The following CDC14B variants were observed in gnomAD, a reference collection of about 807,000 sequenced individuals.
CDC14B encodes dual specificity protein phosphatase CDC14B.
Under a neutral mutation model 64.2 loss-of-function variants are expected in CDC14B, and 22 were observed. That is an observed-to-expected ratio of 0.34 (90% CI 0.24 to 0.49). The LOEUF is 0.49. CDC14B is among the 20% of genes least tolerant of loss of function. The pLI is 0.99. For missense variants in CDC14B, 498 were observed against 629.9 expected, an observed-to-expected ratio of 0.79 and a Z score of 2.24; for synonymous variants, 191 against 215.8, an observed-to-expected ratio of 0.89 and a Z score of 1.01.
chr9:96,594,337 A>G (rs1327527368), intron 1 of CDC14B, among the ~76,000 whole-genome samples: 2 of 152,228 alleles, frequency 1.3e-5, no homozygotes, highest in Admixed American at 6.5e-5. Context: ...TGCACAGAAT[A>G]GAGAACCCTA....
chr9:96,555,069 G>C (rs1282461484), intron 4 of CDC14B, among the ~76,000 whole-genome samples: 1 of 152,178 alleles, frequency 6.6e-6, no homozygotes, highest in African/African-American at 2.4e-5. Context: ...AACAAATGAT[G>C]ACCAAGAGAG....
At chr9:96,561,430 G>C (rs1843159359) in intron 4 of CDC14B, among the ~76,000 whole-genome samples, 1 of 152,146 alleles carries the variant, frequency 6.6e-6, no homozygotes, top group Non-Finnish European at 1.5e-5. Flanking sequence ...CCAGAGATAA[G>C]GAGCAAGCTA....
chr9:96,556,116 TAGAG>T (rs1399864662), intron 4 of CDC14B, among the ~76,000 whole-genome samples: 2 of 152,168 alleles, frequency 1.3e-5, no homozygotes, highest in African/African-American at 2.4e-5. Flanking sequence ...TTTATATACT[TAGAG>T]AGCCTCTGTA....
intron 3 of CDC14B, among the ~76,000 whole-genome samples, chr9:96,563,158 A>G (rs956899283): frequency 3.9e-5 from 6 of 152,194 alleles, no homozygotes; most frequent in African/African-American, 1.4e-4. Flanking sequence ...AATCATCTAC[A>G]GTGTTATAAG....
intron 1 of CDC14B, among the ~76,000 whole-genome samples, chr9:96,591,207 G>C (rs1158562429): frequency 6.6e-6 from 1 of 152,090 alleles, no homozygotes; most frequent in Non-Finnish European, 1.5e-5. Flanking sequence ...ATTTTCCTAT[G>C]CTTTTGTCTA....
chr9:96,517,487 C>T (rs1835881066), intron 12 of CDC14B, among the ~76,000 whole-genome samples: 1 of 148,780 alleles, frequency 6.7e-6, no homozygotes, highest in African/African-American at 2.5e-5. Context: ...CCCGTCTCTA[C>T]TAAAAATACA....
At chr9:96,547,834 T>G (rs943631487) in intron 5 of CDC14B, among the ~76,000 whole-genome samples, 6 of 147,708 alleles carry the variant, frequency 4.1e-5, no homozygotes, top group Admixed American at 3.4e-4. Flanking sequence ...TCTGTTTCTG[T>G]TTTTTTTTTG....
At chr9:96,546,752 G>A (rs1038009199) in intron 5 of CDC14B, among the ~76,000 whole-genome samples, 17 of 147,268 alleles carry the variant, frequency 1.2e-4, no homozygotes, top group African/African-American at 3.2e-4. Context: ...GCCCGGCCAC[G>A]ACAGTGATTT....
chr9:96,553,613 G>T (rs528974297), intron 4 of CDC14B, among the ~76,000 whole-genome samples: 17 of 151,670 alleles, frequency 1.1e-4, no homozygotes, highest in African/African-American at 3.4e-4. Flanking sequence ...CGCCTGCCTC[G>T]GCCTCCCAAA....
At chr9:96,511,072 G>A (rs929397382) in intron 12 of CDC14B, among the ~76,000 whole-genome samples, 7 of 152,104 alleles carry the variant, frequency 4.6e-5, no homozygotes, top group Admixed American at 1.3e-4. Context: ...AACAACTTAT[G>A]AGAACCCAGC....
chr9:96,556,605 T>A (rs1240195456), intron 4 of CDC14B, among the ~76,000 whole-genome samples: 1 of 152,106 alleles, frequency 6.6e-6, no homozygotes, highest in Admixed American at 6.6e-5. Flanking sequence ...TATAATGATA[T>A]ATATAATGAT....
intron 12 of CDC14B, among the ~76,000 whole-genome samples, chr9:96,512,803 C>T (rs184149977): frequency 5.9e-5 from 9 of 152,150 alleles, no homozygotes; most frequent in Non-Finnish European, 1.2e-4. Context: ...CCGCTCCCCT[C>T]GGCCACTCCC....
At chr9:96,540,575 C>CT (rs1564285855) in intron 6 of CDC14B, among the ~76,000 whole-genome samples, 1 of 151,398 alleles carries the variant, frequency 6.6e-6, no homozygotes, top group Admixed American at 6.6e-5. Context: ...ATCGTACCAG[C>CT]TAATTGACTT....
intron 1 of CDC14B, among the ~76,000 whole-genome samples, chr9:96,605,379 C>CAA (rs1204555808): frequency 2.6e-5 from 4 of 152,098 alleles, no homozygotes; most frequent in African/African-American, 7.2e-5. Flanking sequence ...CAGCAAGACA[C>CAA]AAGCAGGGGT....
intron 13 of CDC14B, among the ~76,000 whole-genome samples, chr9:96,508,924 T>C (rs1834545683): frequency 6.6e-6 from 1 of 152,168 alleles, no homozygotes. Context: ...CTCATGTCTA[T>C]TAGAAGAGAT....
At chr9:96,551,111 C>CTCTTTTTTTTTTTTTTTTT (rs1841745578) in intron 5 of CDC14B, among the ~76,000 whole-genome samples, 1 of 93,294 alleles carries the variant, frequency 1.1e-5, no homozygotes, top group Non-Finnish European at 2.0e-5. Flanking sequence ...TTGGGGTTTG[C>CTCTTTTTTTTTTTTTTTTT]TTTTTTTTTT....
intron 12 of CDC14B, among the ~76,000 whole-genome samples, chr9:96,511,778 A>G (rs575902338): frequency 7.4e-4 from 113 of 152,192 alleles, no homozygotes; most frequent in Non-Finnish European, 1.2e-3. Context: ...TGATCATCTG[A>G]TATGTTGAAT....
chr9:96,605,680 A>T (rs898178142), intron 1 of CDC14B, among the ~76,000 whole-genome samples: 1 of 152,138 alleles, frequency 6.6e-6, no homozygotes, highest in African/African-American at 2.4e-5. Context: ...GCAGACATAT[A>T]TATGCCTACT....
At chr9:96,576,175 G>A (rs1844791299) in intron 1 of CDC14B, among the ~76,000 whole-genome samples, 1 of 152,020 alleles carries the variant, frequency 6.6e-6, no homozygotes, top group Admixed American at 6.6e-5. Flanking sequence ...GCTACTTGGG[G>A]AGGGTGAGGC....
Sources: allele counts gnomAD v4.1 joint callset (sites outside exome capture counted in the v4.1 genomes callset), GRCh38; gene constraint gnomAD v4.1.1; transcripts MANE v1.5; gene names NCBI Gene and HGNC (gene_info 2026-07-23, HGNC 2026-07-21).